CTNNA1: variants seen among roughly 807,000 people sequenced by gnomAD.
CTNNA1 encodes the protein catenin alpha 1, also known as catenin alpha-1.
A neutral mutation model predicts 98.4 loss-of-function variants in CTNNA1; 37 were observed. That is an observed-to-expected ratio of 0.38 (90% CI 0.29 to 0.49). The LOEUF (loss-of-function observed/expected upper bound fraction) is 0.49, where lower values mean the gene tolerates loss of function less well. Ranked by LOEUF, CTNNA1 falls within the 20% of genes least tolerant of loss-of-function variation. The pLI, the probability that CTNNA1 is intolerant of heterozygous loss-of-function variation, is 0.95. For missense variants in CTNNA1, 761 were observed against 1,147.2 expected (o/e 0.66, Z 4.86); for synonymous variants, 404 against 413.2 (o/e 0.98, Z 0.27).
intron 7 of CTNNA1, among the ~76,000 whole-genome samples, chr5:138,881,967 G>C (rs921314525): frequency 6.6e-6 from 1 of 152,340 alleles, no homozygotes; most frequent in East Asian, 1.9e-4. Context: ...TTTATTTGAA[G>C]TCTTATATTC....
intron 13 of CTNNA1, among the ~76,000 whole-genome samples, chr5:138,926,333 A>T (rs1217200787): frequency 2.0e-5 from 3 of 151,964 alleles, no homozygotes; most frequent in South Asian, 2.1e-4. Context: ...CTGTTTCCTC[A>T]CACCTGCCTT....
At chr5:138,854,051 C>T (rs1038433098) in intron 7 of CTNNA1, among the ~76,000 whole-genome samples, 1 of 152,168 alleles carries the variant, frequency 6.6e-6, no homozygotes, top group Non-Finnish European at 1.5e-5. Context: ...GCCTTTCCTG[C>T]TATAGCATTC....
At chr5:138,779,004 G>A (rs1754735305) in intron 1 of CTNNA1, among the ~76,000 whole-genome samples, 1 of 152,012 alleles carries the variant, frequency 6.6e-6, no homozygotes, top group African/African-American at 2.4e-5. Flanking sequence ...TCAGCCTCAT[G>A]AGTAGCTGCG....
chr5:138,848,101 C>G (rs113320237), intron 7 of CTNNA1, among the ~76,000 whole-genome samples: 2 of 152,228 alleles, frequency 1.3e-5, no homozygotes, highest in East Asian at 1.9e-4. Context: ...TTTACTAATG[C>G]ATATATGCTG....
chr5:138,860,598 C>T (rs532066755), intron 7 of CTNNA1, among the ~76,000 whole-genome samples: 4 of 152,140 alleles, frequency 2.6e-5, no homozygotes, highest in Non-Finnish European at 5.9e-5. Context: ...CGGGCTCAGG[C>T]GATTCTCCTG....
intron 6 of CTNNA1, 40 bp downstream of exon 6, chr5:138,824,839 T>C (rs2149776913): frequency 1.3e-6 from 2 of 1,589,336 alleles, no homozygotes; most frequent in Non-Finnish European, 1.7e-6. Flanking sequence ...CTCTTGACCA[T>C]CCCCCAAAAG....
chr5:138,874,804 C>G lies in CTNNA1; in HGVS notation c.1063-11408C>G. On this transcript the variant is annotated intron_variant, in intron 7 of 17. Coordinates refer to ENST00000302763, the MANE Select transcript of CTNNA1 (RefSeq NM_001903.5). This position sits in a 1 kb window ranked among gnomAD's most constrained non-coding sequence, Gnocchi z 4.1. ...ATGCTTTTACCTAAACCTCAAAATC[C>G]AAAATATGATGGTGATTTCCCTCAT... 8.4e-7 allele frequency: 1 copy of G among 1,193,326 alleles called. No individual in the cohort carries two copies. Among genetic ancestry groups the G allele is most frequent in the Non-Finnish European group, 1.2e-6 (1 of 822,472 alleles). 73.9% of individuals were successfully genotyped at this position (1,193,326 alleles called of 1,614,324 possible).
At chr5:138,767,345 A>C (rs1464268052) in intron 1 of CTNNA1, among the ~76,000 whole-genome samples, 1 of 152,048 alleles carries the variant, frequency 6.6e-6, no homozygotes, top group African/African-American at 2.4e-5. Flanking sequence ...TGAATTTCTT[A>C]GCTTTTCTTT....
chr5:138,769,160 G>GA (rs886254399), intron 1 of CTNNA1, among the ~76,000 whole-genome samples: 1 of 151,838 alleles, frequency 6.6e-6, no homozygotes, highest in Non-Finnish European at 1.5e-5. Context: ...CCAAAGTTCT[G>GA]GGATTACAGG....
chr5:138,926,842 A>G (rs954002861), intron 13 of CTNNA1, among the ~76,000 whole-genome samples: 2 of 152,034 alleles, frequency 1.3e-5, no homozygotes, highest in African/African-American at 4.8e-5. Context: ...TGACCTCTTC[A>G]GAGTCCTGTC....
At chr5:138,851,360 A>G (rs1763166621) in intron 7 of CTNNA1, among the ~76,000 whole-genome samples, 1 of 152,152 alleles carries the variant, frequency 6.6e-6, no homozygotes, top group South Asian at 2.1e-4. Context: ...GTCATCATAG[A>G]AGGTGATGCT....
chr5:138,761,480 G>A lies in CTNNA1; in HGVS notation c.-3+7970G>A, dbSNP rs62384264. Among the ~76,000 whole-genome samples, 1,210 of 152,164 alleles carry A rather than the reference G, an allele frequency of 8.0e-3. 9 individuals are homozygous for A. Among genetic ancestry groups the A allele is most frequent in the Non-Finnish European group, 0.01 (711 of 68,012 alleles). Reference sequence around the variant, plus strand: ...TTGAACTCCTGACCTCAAATGATCCGTCCGCCTCCTAAAGTGCTGGGATTG... The same window carrying A: ...TTGAACTCCTGACCTCAAATGATCCATCCGCCTCCTAAAGTGCTGGGATTG... On this transcript the variant is annotated intron_variant, in intron 1 of 17. Transcript: ENST00000302763.
chr5:138,921,731 G>A (rs772891394), intron 11 of CTNNA1, among the ~76,000 whole-genome samples: 1 of 151,058 alleles, frequency 6.6e-6, no homozygotes, highest in Non-Finnish European at 1.5e-5. Context: ...CTCCTGAGTA[G>A]CTGGGATTAC....
At chr5:138,807,835 C>T (rs1758257800) in intron 3 of CTNNA1, among the ~76,000 whole-genome samples, 1 of 152,064 alleles carries the variant, frequency 6.6e-6, no homozygotes, top group Non-Finnish European at 1.5e-5. Flanking sequence ...GCAACCTCCG[C>T]CTCCCAGGTT....
At chr5:138,812,812 G>C (rs1758980319) in intron 5 of CTNNA1, among the ~76,000 whole-genome samples, 1 of 152,186 alleles carries the variant, frequency 6.6e-6, no homozygotes, top group South Asian at 2.1e-4. Context: ...GTAGCCCTTT[G>C]ACCCTTCGGC....
chr5:138,877,519 C>T (rs971674565), intron 7 of CTNNA1, among the ~76,000 whole-genome samples: 8 of 151,274 alleles, frequency 5.3e-5, no homozygotes, highest in Non-Finnish European at 1.2e-4. Flanking sequence ...GCAATCTCGG[C>T]TCACTGCAAG....
intron 11 of CTNNA1, among the ~76,000 whole-genome samples, chr5:138,919,107 G>C (rs1350496270): frequency 6.6e-6 from 1 of 152,154 alleles, no homozygotes; most frequent in Non-Finnish European, 1.5e-5. Context: ...TGCAGGTGTT[G>C]GTACTTTAAA....
intron 6 of CTNNA1, among the ~76,000 whole-genome samples, chr5:138,827,114 C>T (rs1426872066): frequency 6.6e-6 from 1 of 152,212 alleles, no homozygotes; most frequent in Non-Finnish European, 1.5e-5. Context: ...TGTGGTGCAA[C>T]AGTTCTAAAT....
chr5:138,756,064 A>G (rs1017343530), intron 1 of CTNNA1, among the ~76,000 whole-genome samples: 5 of 150,408 alleles, frequency 3.3e-5, no homozygotes, highest in African/African-American at 1.2e-4. Context: ...ATTTTGAGAT[A>G]GTCTTGCTGT....
Sources: allele counts gnomAD v4.1 joint callset (sites outside exome capture counted in the v4.1 genomes callset), GRCh38; gene constraint gnomAD v4.1.1; non-coding constraint Gnocchi (gnomAD v3.1); transcripts MANE v1.5; gene names NCBI Gene and HGNC (gene_info 2026-07-23, HGNC 2026-07-21).